The following FRMD6 variants were observed in gnomAD, a reference collection of about 807,000 sequenced individuals.
FRMD6 encodes FERM domain containing 6.
FRMD6 carries 37 observed loss-of-function variants against 73.2 expected under a neutral mutation model. The observed-to-expected ratio is 0.51, with a 90% confidence interval of 0.39 to 0.66. The LOEUF (loss-of-function observed/expected upper bound fraction) is 0.66. Among genes scored for constraint, FRMD6 ranks in the 30% least tolerant of loss-of-function variants. The pLI is 0.00. For synonymous variants in FRMD6, 273 were observed against 282.2 expected (o/e 0.97, Z 0.33); for missense variants, 714 against 780.5 (o/e 0.91, Z 1.02).
chr14:51,504,067 G>A (rs976161443), intron 1 of FRMD6, among the ~76,000 whole-genome samples: 2 of 152,122 alleles, frequency 1.3e-5, no homozygotes, highest in African/African-American at 4.8e-5. Context: ...CCGGGGGTCA[G>A]TGGTGATATC....
At chr14:51,404,801 C>T in the FRMD6 span, among the ~76,000 whole-genome samples, 2 of 152,052 alleles carry the variant, frequency 1.3e-5, no homozygotes, top group Non-Finnish European at 2.9e-5. Flanking sequence ...TTAGGTTTGG[C>T]AGTACATGCA....
At chr14:51,660,097 A>T (rs1893109597) in intron 1 of FRMD6, among the ~76,000 whole-genome samples, 1 of 152,096 alleles carries the variant, frequency 6.6e-6, no homozygotes, top group Non-Finnish European at 1.5e-5. Flanking sequence ...CCCCGTTTTG[A>T]TTGTGTGTGT....
In FRMD6 at chr14:51,724,733, T is replaced by TG. The variant is rs1019789647; in HGVS notation, c.1493-1046_1493-1045insG. Among the ~76,000 whole-genome samples, 10 of 150,836 alleles carry TG rather than the reference T, an allele frequency of 6.6e-5. No homozygotes were observed. In the East Asian group the frequency reaches 1.4e-3, roughly 20 times the overall value. On this transcript the variant is annotated intron_variant, in intron 12 of 13. Transcript: ENST00000344768. ...TCACATTACTTAAAGGGTTTTTTGT[T>TG]TTTTTTTTTTAAGAAGCCATTTGGC...
intron 2 of FRMD6, among the ~76,000 whole-genome samples, chr14:51,628,246 T>C (rs1891189247): frequency 6.6e-6 from 1 of 152,234 alleles, no homozygotes; most frequent in South Asian, 2.1e-4. Flanking sequence ...TGAATGCTAC[T>C]TTTAATATGA....
At chr14:51,456,333 G>C in the FRMD6 span, among the ~76,000 whole-genome samples, 1 of 151,964 alleles carries the variant, frequency 6.6e-6, no homozygotes, top group African/African-American at 2.4e-5. Flanking sequence ...CCCAGTGTGT[G>C]ATGTTCCCCT....
intron 1 of FRMD6, among the ~76,000 whole-genome samples, chr14:51,567,171 A>ACT (rs1403337934): frequency 2.6e-5 from 4 of 152,092 alleles, no homozygotes; most frequent in Non-Finnish European, 4.4e-5. Context: ...GTTTTGACAG[A>ACT]CTCGTCATTT....
chr14:51,491,724 G>A (rs1015011163), intron 1 of FRMD6, among the ~76,000 whole-genome samples: 2 of 152,194 alleles, frequency 1.3e-5, no homozygotes, highest in Non-Finnish European at 2.9e-5. Context: ...CTAAGTGCCC[G>A]ACTCCAAAGC....
At chr14:51,539,448 T>C (rs775885563) in intron 1 of FRMD6, among the ~76,000 whole-genome samples, 4 of 152,184 alleles carry the variant, frequency 2.6e-5, no homozygotes, top group Non-Finnish European at 4.4e-5. Context: ...ATCTACATAG[T>C]GCCTGACACA....
chr14:51,516,915 C>T (rs1231454450), intron 1 of FRMD6, among the ~76,000 whole-genome samples: 1 of 152,124 alleles, frequency 6.6e-6, no homozygotes, highest in Non-Finnish European at 1.5e-5. Context: ...AATCTGATGC[C>T]AATCTTTGAG....
At chr14:51,618,320 G>T (rs1257860270) in intron 2 of FRMD6, among the ~76,000 whole-genome samples, 4 of 152,126 alleles carry the variant, frequency 2.6e-5, no homozygotes, top group Non-Finnish European at 5.9e-5. Flanking sequence ...GAAATCCAAG[G>T]CAACTAGAGT....
chr14:51,704,908 C>T lies in FRMD6; in HGVS notation c.531C>T (p.Phe177=), dbSNP rs1053111020. The part of the protein sequence containing the change: ...FKRNKHYGKY[F]EPEAYFPSWV... The stretch of plus-strand genomic sequence containing the variant: ...GGAATAAGCACTATGGAAAATACTT[C>T]GAGCCAGAGGCTTACTTCCCATCTT... Residue 177 remains phenylalanine, a synonymous_variant, in exon 6 of 14, where the codon TTC becomes TTT. Coordinates refer to ENST00000344768, the MANE Select transcript of FRMD6 (RefSeq NM_001267046.2). The T allele has an allele frequency of 8.7e-6, 14 of 1,610,546 alleles. No individual in the cohort carries two copies. The African/African-American group carries it at 1.1e-4, about 12-fold the overall frequency.
At chr14:51,414,034 T>G in the FRMD6 span, among the ~76,000 whole-genome samples, 1 of 152,220 alleles carries the variant, frequency 6.6e-6, no homozygotes, top group South Asian at 2.1e-4. Flanking sequence ...TTTAAGCCCT[T>G]TGTAGATTCT....
intron 1 of FRMD6, among the ~76,000 whole-genome samples, chr14:51,658,179 A>G (rs1892973223): frequency 6.6e-6 from 1 of 152,190 alleles, no homozygotes; most frequent in African/African-American, 2.4e-5. Context: ...TGATTAATGC[A>G]AAGGTATTCT....
chr14:51,595,517 T>C (rs1156720182), intron 2 of FRMD6, among the ~76,000 whole-genome samples: 2 of 152,144 alleles, frequency 1.3e-5, no homozygotes, highest in South Asian at 2.1e-4. Flanking sequence ...GTGTGAAGGC[T>C]CATCTCTGGA....
intron 1 of FRMD6, among the ~76,000 whole-genome samples, chr14:51,522,372 G>C (rs1885002010): frequency 6.6e-6 from 1 of 152,032 alleles, no homozygotes; most frequent in South Asian, 2.1e-4. Context: ...TGAAGAACAG[G>C]GGCACGGGTA....
At chr14:51,493,106 T>A (rs1883109424) in intron 1 of FRMD6, among the ~76,000 whole-genome samples, 1 of 152,162 alleles carries the variant, frequency 6.6e-6, no homozygotes. Flanking sequence ...TTTAAAAAGT[T>A]TCCTCCTCAT....
Position 51,728,048 on chromosome 14 carries a change from T to TGTA in FRMD6, c.*20_*22dup. The TGTA allele has an allele frequency of 6.3e-7, 1 of 1,592,010 alleles. No homozygotes were observed. The highest frequency in any genetic ancestry group is 8.6e-7 in the Non-Finnish European group (1 of 1,164,394). On this transcript the variant is annotated 3_prime_UTR_variant, in exon 14 of 14. Transcript: ENST00000344768. ...TGTGTAAAGTCCGTCTGTGTGCAGC[T>TGTA]GTACAGGCAGCTTACTGTTTGCTAG...
At chr14:51,597,114 G>C (rs1889762560) in intron 2 of FRMD6, among the ~76,000 whole-genome samples, 1 of 152,192 alleles carries the variant, frequency 6.6e-6, no homozygotes, top group Non-Finnish European at 1.5e-5. Context: ...TTTGTACCAT[G>C]TGGTAAATAC....
At position 51,730,132 on chromosome 14, in the gene FRMD6, CAT is replaced by C. The variant is rs1898183061; in HGVS notation, c.*2106_*2107del. The stretch of plus-strand genomic sequence containing the variant: ...TTTCTTGCAAACATTTAAAAAAAGA[CAT>C]ATTTAAGAAAGAAAGATAAAGAAAA... On this transcript the variant is annotated 3_prime_UTR_variant, in exon 14 of 14. Transcript: ENST00000344768. 1 of 152,102 alleles carries C rather than the reference CAT, an allele frequency of 6.6e-6. No homozygotes were observed. The highest frequency in any genetic ancestry group is 2.1e-4 in the South Asian group (1 of 4,824). 9.4% of individuals were successfully genotyped at this position (152,102 alleles called of 1,614,324 possible).
Sources: allele counts gnomAD v4.1 joint callset (sites outside exome capture counted in the v4.1 genomes callset), GRCh38; gene constraint gnomAD v4.1.1; transcripts MANE v1.5; gene names NCBI Gene and HGNC (gene_info 2026-07-23, HGNC 2026-07-21).